Variants in SMYD3 observed in about 807,000 individuals in gnomAD.
SMYD3 encodes the protein SET and MYND domain containing 3.
In SMYD3, 36 loss-of-function variants were observed where a neutral mutation model predicts 57.7. The ratio of observed to expected loss-of-function variants is 0.62; its 90% CI spans 0.48 to 0.82. SMYD3 has a LOEUF of 0.82. Among genes scored for constraint, SMYD3 ranks in the 40% least tolerant of loss-of-function variants. SMYD3 has a pLI of 0.00. For missense variants in SMYD3, 515 were observed against 538.8 expected, an observed-to-expected ratio of 0.96 and a Z score of 0.44; for synonymous variants, 211 against 195.0, an observed-to-expected ratio of 1.08 and a Z score of -0.68.
At chr1:246,192,201 C>T (rs2062749606) in intron 5 of SMYD3, among the ~76,000 whole-genome samples, 1 of 152,110 alleles carries the variant, frequency 6.6e-6, no homozygotes, top group African/African-American at 2.4e-5. Flanking sequence ...TGAGCTCAAG[C>T]GATCCTCCTT....
chr1:245,969,453 G>T (rs546769340), intron 5 of SMYD3, among the ~76,000 whole-genome samples: 2 of 152,242 alleles, frequency 1.3e-5, no homozygotes, highest in African/African-American at 4.8e-5. Context: ...TGAGTCAGCT[G>T]AGTCTCATAG....
At chr1:246,097,755 A>T (rs2060941569) in intron 5 of SMYD3, among the ~76,000 whole-genome samples, 1 of 152,054 alleles carries the variant, frequency 6.6e-6, no homozygotes, top group African/African-American at 2.4e-5. Flanking sequence ...TATCAATATG[A>T]TGTAGAGGAG....
At chr1:246,172,475 T>C (rs1338191289) in intron 5 of SMYD3, among the ~76,000 whole-genome samples, 2 of 134,336 alleles carry the variant, frequency 1.5e-5, no homozygotes, top group East Asian at 4.2e-4. Flanking sequence ...CTGCAGACTA[T>C]CCACACTGTA....
At chr1:245,857,015 T>A (rs1290521593) in intron 10 of SMYD3, among the ~76,000 whole-genome samples, 1 of 152,180 alleles carries the variant, frequency 6.6e-6, no homozygotes, top group East Asian at 1.9e-4. Context: ...ATGCGATTCG[T>A]ATTTTCCGAG....
chr1:246,033,232 G>A (rs1026851648), intron 5 of SMYD3, among the ~76,000 whole-genome samples: 2 of 151,932 alleles, frequency 1.3e-5, no homozygotes, highest in African/African-American at 4.8e-5. Flanking sequence ...AAAAACTAGG[G>A]ATAAGGGCAA....
At position 246,247,617 on chromosome 1, in the gene SMYD3, CTA is replaced by C. The variant is rs143338271; in HGVS notation, c.531+79582_531+79583del. Among the ~76,000 whole-genome samples the C allele has an allele frequency of 0.02, 3,048 of 151,770 alleles. 222 individuals carry two copies. The East Asian group carries it at 0.23, about 12-fold the overall frequency. ...CTTTTTTCCGCACTCTGAACATAGA[CTA>C]TATATAAGAGAGGCTAGCTGCGGCT... On this transcript the variant is annotated intron_variant, in intron 5 of 11. Transcript: ENST00000490107.
At chr1:246,414,496 C>CA (rs747035929) in intron 1 of SMYD3, among the ~76,000 whole-genome samples, 1 of 152,052 alleles carries the variant, frequency 6.6e-6, no homozygotes, top group Non-Finnish European at 1.5e-5. Context: ...GAGGAAGAAA[C>CA]AAGAGATTTA....
intron 5 of SMYD3, among the ~76,000 whole-genome samples, chr1:246,136,875 G>A (rs1393994122): frequency 2.6e-5 from 4 of 152,202 alleles, no homozygotes; most frequent in Non-Finnish European, 4.4e-5. Flanking sequence ...TTAGACTTCT[G>A]CAGAGCACAG....
chr1:246,105,927 A>T (rs1297733840), intron 5 of SMYD3, among the ~76,000 whole-genome samples: 1 of 152,198 alleles, frequency 6.6e-6, no homozygotes, highest in African/African-American at 2.4e-5. Flanking sequence ...ACTTTACAAA[A>T]CTTTAATTTC....
intron 5 of SMYD3, among the ~76,000 whole-genome samples, chr1:245,965,152 A>G (rs940713963): frequency 1.3e-5 from 2 of 152,232 alleles, no homozygotes; most frequent in African/African-American, 4.8e-5. Context: ...TAATTGATCA[A>G]CACACAATAT....
chr1:246,122,216 C>G (rs1330702427), intron 5 of SMYD3, among the ~76,000 whole-genome samples: 1 of 151,880 alleles, frequency 6.6e-6, no homozygotes, highest in Non-Finnish European at 1.5e-5. Flanking sequence ...TTGAGACTAG[C>G]CTGAGCAACA....
At chr1:246,421,853 C>T (rs1438628306) in intron 1 of SMYD3, among the ~76,000 whole-genome samples, 1 of 152,164 alleles carries the variant, frequency 6.6e-6, no homozygotes, top group Non-Finnish European at 1.5e-5. Context: ...ACCAAGAGCG[C>T]CAAGAGCAGA....
At chr1:246,288,300 C>T (rs1024255934) in intron 5 of SMYD3, among the ~76,000 whole-genome samples, 3 of 151,856 alleles carry the variant, frequency 2.0e-5, no homozygotes, top group East Asian at 1.9e-4. Context: ...TCTTGAACTC[C>T]GCCATCAGGT....
chr1:246,155,322 C>T (rs561718777), intron 5 of SMYD3, among the ~76,000 whole-genome samples: 1 of 152,192 alleles, frequency 6.6e-6, no homozygotes, highest in Non-Finnish European at 1.5e-5. Context: ...CCAATTCTTT[C>T]AGGACACAGC....
chr1:246,241,271 T>C (rs2063603825), intron 5 of SMYD3, among the ~76,000 whole-genome samples: 1 of 152,218 alleles, frequency 6.6e-6, no homozygotes, highest in South Asian at 2.1e-4. Flanking sequence ...GTCACATCAA[T>C]GCCTAGTTTA....
intron 1 of SMYD3, among the ~76,000 whole-genome samples, chr1:246,481,255 A>G (rs1161817474): frequency 3.3e-5 from 5 of 152,242 alleles, no homozygotes; most frequent in Non-Finnish European, 5.9e-5. Context: ...CTGGGCCACA[A>G]GATGCCCAGA....
chr1:246,141,491 ATTAC>A (rs1236092835), intron 5 of SMYD3, among the ~76,000 whole-genome samples: 6 of 152,164 alleles, frequency 3.9e-5, no homozygotes, highest in African/African-American at 1.4e-4. Context: ...CATTCCTATG[ATTAC>A]TTACTTTCAT....
chr1:246,221,784 T>C (rs935557090), intron 5 of SMYD3, among the ~76,000 whole-genome samples: 5 of 152,072 alleles, frequency 3.3e-5, no homozygotes, highest in African/African-American at 1.2e-4. Context: ...CAGACTCCCT[T>C]TGAAGCACGG....
At chr1:246,072,281 T>C (rs2060467874) in intron 5 of SMYD3, among the ~76,000 whole-genome samples, 1 of 143,624 alleles carries the variant, frequency 7.0e-6, no homozygotes, top group Non-Finnish European at 1.6e-5. Flanking sequence ...GTGCTCACTG[T>C]GGATGCATCG....
Sources: gnomAD v4.1 joint callset for allele counts (sites outside exome capture counted in the v4.1 genomes callset) on GRCh38, gnomAD v4.1.1 for gene constraint, MANE v1.5 for transcripts, NCBI Gene and HGNC (gene_info 2026-07-23, HGNC 2026-07-21) for gene names.